SAMD5: variants seen among roughly 807,000 people sequenced by gnomAD.
SAMD5 encodes the protein sterile alpha motif domain-containing protein 5.
SAMD5 carries 13 observed loss-of-function variants against 11.3 expected under a neutral mutation model. The observed-to-expected ratio is 1.15, with a 90% CI of 0.75 to 1.83. SAMD5 has a LOEUF of 1.83. Ranked by LOEUF, SAMD5 falls within the 40% of genes most tolerant of loss-of-function variation. The probability of loss-of-function intolerance (pLI) is 0.00; values close to 1 mark genes in which losing one functional copy is unlikely to be tolerated. For missense variants in SAMD5, 255 were observed against 239.1 expected (o/e 1.07, Z -0.44); for synonymous variants, 129 against 111.3 (o/e 1.16, Z -1.00).
At chr6:147,749,818 C>T in the SAMD5 span, among the ~76,000 whole-genome samples, 2 of 152,106 alleles carry the variant, frequency 1.3e-5, no homozygotes, top group South Asian at 4.1e-4. Context: ...TTATTCCATT[C>T]TGTTACTAAA....
At chr6:147,878,495 T>A in the SAMD5 span, among the ~76,000 whole-genome samples, 1 of 151,324 alleles carries the variant, frequency 6.6e-6, no homozygotes, top group African/African-American at 2.4e-5. Flanking sequence ...TAGTATCTAA[T>A]ATTAATGACA....
At chr6:147,550,218 A>G (rs1261879301) in intron 1 of SAMD5, among the ~76,000 whole-genome samples, 1 of 152,138 alleles carries the variant, frequency 6.6e-6, no homozygotes, top group East Asian at 1.9e-4. Flanking sequence ...AGCCGGGGCA[A>G]CAGAATGAGA....
downstream of SAMD5, among the ~76,000 whole-genome samples, chr6:147,742,540 C>T (rs1475746523): frequency 6.6e-6 from 1 of 152,128 alleles, no homozygotes; most frequent in Non-Finnish European, 1.5e-5. Flanking sequence ...CATTTCATTC[C>T]TTATTTTAGA....
At chr6:147,746,472 C>T in the SAMD5 span, among the ~76,000 whole-genome samples, 2 of 152,152 alleles carry the variant, frequency 1.3e-5, no homozygotes, top group Non-Finnish European at 2.9e-5. Flanking sequence ...TTTTATGGTA[C>T]TTACTTTCCA....
chr6:147,747,543 C>A, the SAMD5 span, among the ~76,000 whole-genome samples: 9 of 152,268 alleles, frequency 5.9e-5, no homozygotes, highest in East Asian at 1.7e-3. Context: ...GAGACGGGGT[C>A]TCTATCACTG....
the SAMD5 span, among the ~76,000 whole-genome samples, chr6:147,924,414 A>T: frequency 4.0e-3 from 604 of 152,298 alleles, 3 homozygotes; most frequent in African/African-American, 0.013. Context: ...TAACCAAGTT[A>T]TAAAGAGTCT....
chr6:147,512,491 G>A (rs1473290595), intron 1 of SAMD5, among the ~76,000 whole-genome samples: 1 of 152,190 alleles, frequency 6.6e-6, no homozygotes, highest in Admixed American at 6.5e-5. Flanking sequence ...TGTAGGATTT[G>A]ATCCAGTAAT....
At chr6:147,515,403 T>A (rs1788152608) in intron 1 of SAMD5, among the ~76,000 whole-genome samples, 1 of 115,334 alleles carries the variant, frequency 8.7e-6, no homozygotes, top group Admixed American at 8.1e-5. Context: ...CCATCCATTC[T>A]TCCATTTATC....
Position 147,512,756 on chromosome 6 carries a change from T to C in SAMD5, c.459+3369T>C, listed in dbSNP as rs148594017. ...AAGCTTCTCTATGCCAGGCCTTCTG[T>C]TGGACTCTGGGTTACTGTGGTTGGC... On this transcript the variant is annotated intron_variant, in intron 1 of 1. Transcript: ENST00000367474. 1.4e-4 allele frequency among the ~76,000 whole-genome samples: 22 copies of C among 152,200 alleles called. No individual in the cohort carries two copies. The East Asian group carries it at 3.1e-3, about 21-fold the overall frequency.
At chr6:147,802,210 C>T in the SAMD5 span, among the ~76,000 whole-genome samples, 1 of 151,922 alleles carries the variant, frequency 6.6e-6, no homozygotes, top group African/African-American at 2.4e-5. Flanking sequence ...TGTACTTGTA[C>T]AAAGACAAAA....
chr6:147,831,522 G>T, the SAMD5 span, among the ~76,000 whole-genome samples: 1 of 152,160 alleles, frequency 6.6e-6, no homozygotes, highest in African/African-American at 2.4e-5. Flanking sequence ...GGTCCTTTCT[G>T]TCAAGATCCT....
chr6:147,756,242 T>C, the SAMD5 span, among the ~76,000 whole-genome samples: 1 of 152,130 alleles, frequency 6.6e-6, no homozygotes, highest in Non-Finnish European at 1.5e-5. Flanking sequence ...GTATTTGACA[T>C]ATACTAAAAC....
At chr6:147,630,379 A>G (rs1790130267) in intron 1 of SAMD5, among the ~76,000 whole-genome samples, 2 of 152,220 alleles carry the variant, frequency 1.3e-5, no homozygotes, top group Admixed American at 1.3e-4. Context: ...GGTGTTTGTC[A>G]GGCCTCTGAG....
chr6:147,803,023 C>A, the SAMD5 span, among the ~76,000 whole-genome samples: 1 of 152,186 alleles, frequency 6.6e-6, no homozygotes, highest in Non-Finnish European at 1.5e-5. Flanking sequence ...GTACATTTCA[C>A]TGTATGTAAA....
the SAMD5 span, among the ~76,000 whole-genome samples, chr6:147,823,793 A>G: frequency 3.0e-4 from 46 of 152,224 alleles, no homozygotes; most frequent in Non-Finnish European, 5.1e-4. Flanking sequence ...TAATTTTTAG[A>G]AACTTTTAAT....
At chr6:147,936,645 C>A in the SAMD5 span, among the ~76,000 whole-genome samples, 2 of 152,050 alleles carry the variant, frequency 1.3e-5, no homozygotes, top group Non-Finnish European at 2.9e-5. Flanking sequence ...GGACAAATAT[C>A]CAAACTACGT....
intron 1 of SAMD5, among the ~76,000 whole-genome samples, chr6:147,559,504 G>A (rs1037583450): frequency 6.6e-6 from 1 of 152,142 alleles, no homozygotes; most frequent in African/African-American, 2.4e-5. Flanking sequence ...GTTAGAAACC[G>A]TGTAGAAGCT....
chr6:147,610,134 G>T (rs1235987177), intron 1 of SAMD5, among the ~76,000 whole-genome samples: 1 of 152,060 alleles, frequency 6.6e-6, no homozygotes, highest in Non-Finnish European at 1.5e-5. Context: ...CAAATCTCTG[G>T]TTACACATCT....
the SAMD5 span, among the ~76,000 whole-genome samples, chr6:147,902,203 C>T: frequency 6.6e-6 from 1 of 151,962 alleles, no homozygotes; most frequent in Non-Finnish European, 1.5e-5. Context: ...GGCTCTAAAC[C>T]CTTGTTAAAA....
Sources: gnomAD v4.1 joint callset for allele counts (sites outside exome capture counted in the v4.1 genomes callset) on GRCh38, gnomAD v4.1.1 for gene constraint, MANE v1.5 for transcripts, NCBI Gene and HGNC (gene_info 2026-07-23, HGNC 2026-07-21) for gene names.